Variants in VEPH1 observed in about 807,000 individuals in gnomAD.
The protein encoded by VEPH1 is ventricular zone-expressed PH domain-containing protein homolog 1.
VEPH1 carries 80 observed loss-of-function variants against 85.2 expected under a neutral mutation model. That is an observed-to-expected ratio of 0.94 (90% confidence interval 0.78 to 1.13). The LOEUF is 1.13. Ranked by LOEUF, VEPH1 falls within the 50% of genes most tolerant of loss-of-function variation. The pLI is 0.00. For missense variants in VEPH1, 955 were observed against 980.5 expected, an observed-to-expected ratio of 0.97 and a Z score of 0.35; for synonymous variants, 297 against 348.0, an observed-to-expected ratio of 0.85 and a Z score of 1.63.
intron 4 of VEPH1, among the ~76,000 whole-genome samples, chr3:157,447,621 G>T (rs930518183): frequency 6.9e-6 from 1 of 145,084 alleles, no homozygotes; most frequent in Non-Finnish European, 1.5e-5. Flanking sequence ...TTGAAATGGA[G>T]TCTCACTCTG....
chr3:157,438,930 C>T (rs760299383), intron 4 of VEPH1, among the ~76,000 whole-genome samples: 1 of 152,064 alleles, frequency 6.6e-6, no homozygotes, highest in African/African-American at 2.4e-5. Flanking sequence ...CCTGTATTTC[C>T]AAGAAAACAA....
intron 9 of VEPH1, among the ~76,000 whole-genome samples, chr3:157,340,268 C>T (rs1399949796): frequency 2.0e-5 from 3 of 152,200 alleles, no homozygotes; most frequent in African/African-American, 7.2e-5. Context: ...AATTCCCTTT[C>T]CTAGGCAAGG....
At position 157,495,465 on chromosome 3, in the gene VEPH1, A is replaced by T; in HGVS notation, c.-116T>A. On this transcript the variant is annotated 5_prime_UTR_variant, in exon 2 of 14. Coordinates refer to ENST00000362010, the MANE Select transcript of VEPH1 (RefSeq NM_001167912.2). ...GGAGGTATACTTCTTATTCCATGAA[A>T]GGTCATTTTTCTCCAGACTTTGAGG... 1 of 1,508,980 alleles carries T rather than the reference A, an allele frequency of 6.6e-7. No individual in the cohort carries two copies. The highest frequency in any genetic ancestry group is 8.8e-7 in the Non-Finnish European group (1 of 1,131,002). 93.5% of individuals were successfully genotyped at this position (1,508,980 alleles called of 1,614,324 possible). A position where few individuals can be genotyped will look rare whatever the true frequency, so the allele number is the denominator to read the frequency against.
At chr3:157,324,905 A>C (rs1171278596) in intron 9 of VEPH1, among the ~76,000 whole-genome samples, 2 of 152,168 alleles carry the variant, frequency 1.3e-5, no homozygotes, top group Non-Finnish European at 2.9e-5. Flanking sequence ...TCTTTGAGGA[A>C]TTGCCACACT....
chr3:157,387,048 G>A lies in VEPH1; in HGVS notation c.907-5672C>T, dbSNP rs144603815. Among the ~76,000 whole-genome samples, 499 of 152,286 alleles carry A rather than the reference G, an allele frequency of 3.3e-3. 3 individuals carry two copies. The highest frequency in any genetic ancestry group is 0.012 in the African/African-American group (481 of 41,564). ...TAAATATTTCCAGTTTAGTGGGTCA[G>A]ATGGTCTCTTGTTGTGGGAAAAGAG... On this transcript the variant is annotated intron_variant, in intron 6 of 13. Transcript: ENST00000362010.
chr3:157,442,646 C>A, intron 4 of VEPH1: 6 of 1,614,140 alleles, frequency 3.7e-6, no homozygotes, highest in Non-Finnish European at 5.1e-6. Flanking sequence ...CCCACCTGTG[C>A]GGCACCTGGA....
chr3:157,443,902 T>C (rs1734338647), intron 4 of VEPH1, among the ~76,000 whole-genome samples: 1 of 152,244 alleles, frequency 6.6e-6, no homozygotes, highest in Non-Finnish European at 1.5e-5. Context: ...TACAACTTTC[T>C]GTACTGTGTA....
rs940748286 is a variant in VEPH1, at chr3:157,410,806, C to T, written c.906+3075G>A. Among the ~76,000 whole-genome samples the T allele has an allele frequency of 9.2e-5, 14 of 152,162 alleles. No individual in the cohort carries two copies. In the East Asian group the frequency reaches 9.7e-4, roughly 11 times the overall value. ...TGGAATCAAATAATATCAGAGCATA[C>T]GGGAGGTAATCCAGTGTAAAGCCAT... On this transcript the variant is annotated intron_variant, in intron 6 of 13. Coordinates refer to ENST00000362010, the MANE Select transcript of VEPH1 (RefSeq NM_001167912.2).
chr3:157,341,783 G>A (rs1219317394), intron 9 of VEPH1, among the ~76,000 whole-genome samples: 2 of 151,832 alleles, frequency 1.3e-5, no homozygotes, highest in Non-Finnish European at 2.9e-5. Flanking sequence ...GAGAAAGGTC[G>A]GGTTACCCAC....
chr3:157,416,096 T>C (rs1180121211), intron 5 of VEPH1, among the ~76,000 whole-genome samples: 2 of 152,144 alleles, frequency 1.3e-5, no homozygotes, highest in Non-Finnish European at 2.9e-5. Context: ...CCTAATGCCT[T>C]ATACAGAGCT....
At chr3:157,441,198 G>T (rs1390324916) in intron 4 of VEPH1, among the ~76,000 whole-genome samples, 1 of 152,208 alleles carries the variant, frequency 6.6e-6, no homozygotes, top group African/African-American at 2.4e-5. Flanking sequence ...AGGCACTGTA[G>T]TGTGCTGATT....
chr3:157,305,264 T>C (rs1482328397), intron 11 of VEPH1, among the ~76,000 whole-genome samples: 1 of 150,926 alleles, frequency 6.6e-6, no homozygotes, highest in South Asian at 2.1e-4. Flanking sequence ...CGCCCGCCAC[T>C]ACGCCCGGCT....
At chr3:157,370,951 C>T (rs1350083773) in intron 7 of VEPH1, among the ~76,000 whole-genome samples, 1 of 152,206 alleles carries the variant, frequency 6.6e-6, no homozygotes, top group East Asian at 1.9e-4. Flanking sequence ...ATTGATATTA[C>T]ATCATCAGAT....
chr3:157,312,900 A>ATTTTTT (rs140277345), intron 11 of VEPH1, among the ~76,000 whole-genome samples: 19 of 98,078 alleles, frequency 1.9e-4, no homozygotes, highest in African/African-American at 6.7e-4. Context: ...AAAAAAAAAC[A>ATTTTTT]TTTTTTTTTT....
At chr3:157,463,986 T>C (rs1211202849) in intron 3 of VEPH1, among the ~76,000 whole-genome samples, 1 of 152,168 alleles carries the variant, frequency 6.6e-6, no homozygotes. Context: ...GATCCAGTAT[T>C]TTTCCTAGTG....
At chr3:157,354,686 AT>A (rs1725237847) in intron 9 of VEPH1, among the ~76,000 whole-genome samples, 1 of 151,790 alleles carries the variant, frequency 6.6e-6, no homozygotes, top group Admixed American at 6.6e-5. Flanking sequence ...CTTTCTATAT[AT>A]TTTTTGTTCT....
intron 12 of VEPH1, among the ~76,000 whole-genome samples, chr3:157,281,140 AAG>A (rs1369863938): frequency 2.0e-5 from 3 of 149,162 alleles, no homozygotes; most frequent in East Asian, 2.0e-4. Flanking sequence ...CAGAGAGAGA[AAG>A]AGGGAGAGAG....
chr3:157,406,667 C>G (rs1216873208), intron 6 of VEPH1, among the ~76,000 whole-genome samples: 1 of 131,482 alleles, frequency 7.6e-6, no homozygotes. Context: ...CAGGGGCATG[C>G]TATTTGATTC....
rs1477867691 is a variant in VEPH1, at chr3:157,364,512, C to T, written c.1128G>A (p.Arg376=). 2 of 1,612,856 alleles carry T rather than the reference C, an allele frequency of 1.2e-6. No homozygotes were observed. Among genetic ancestry groups the T allele is most frequent in the South Asian group, 2.2e-5 (2 of 91,038 alleles). ...ATTCAATTTCAGTGCTGATTTTTCT[C>T]CTAAAGGAATATAAATCATTGCATT... ...QLENTKAGSG[R]RKISTEIEFP... is the part of the protein sequence containing the mutation. The change falls in exon 8 of 14, where the codon AGG becomes AGA. Residue 376 remains arginine, a splice_region_variant and synonymous_variant. Transcript: ENST00000362010.
Sources: allele counts gnomAD v4.1 joint callset (sites outside exome capture counted in the v4.1 genomes callset), GRCh38; gene constraint gnomAD v4.1.1; transcripts MANE v1.5; gene names NCBI Gene and HGNC (gene_info 2026-07-23, HGNC 2026-07-21).